Variants in PRRX1 observed in about 807,000 individuals in gnomAD.
The protein encoded by PRRX1 is paired mesoderm homeobox protein 1.
PRRX1 carries 8 observed loss-of-function variants against 24.0 expected under a neutral mutation model. The observed-to-expected ratio is 0.33, with a 90% CI of 0.20 to 0.60. The LOEUF is 0.60. PRRX1 is among the 20% of genes least tolerant of loss of function. The pLI is 0.82. For missense variants in PRRX1, 281 were observed against 322.4 expected (o/e 0.87, Z 0.98); for synonymous variants, 160 against 131.7 (o/e 1.22, Z -1.47).
At chr1:170,729,132 T>A (rs999732929) in intron 3 of PRRX1, 3 of 152,230 alleles carry the variant, frequency 2.0e-5, no homozygotes, top group Admixed American at 2.0e-4. Context: ...GTGTTCCCTG[T>A]TTTCATCCAA....
At chr1:170,691,013 A>AAT (rs1558050213) in intron 1 of PRRX1, among the ~76,000 whole-genome samples, 2 of 152,144 alleles carry the variant, frequency 1.3e-5, no homozygotes, top group Non-Finnish European at 1.5e-5. Context: ...TTGAGAGGAT[A>AAT]ATGTAATGAA....
chr1:170,719,696 G>C, intron 1 of PRRX1, 30 bp from the exon 2 acceptor site: 1 of 1,611,802 alleles, frequency 6.2e-7, no homozygotes, highest in Non-Finnish European at 8.5e-7. Context: ...AGTGAATTTG[G>C]CTTCTTTTCA....
intron 1 of PRRX1, among the ~76,000 whole-genome samples, chr1:170,707,132 G>A (rs550861192): frequency 3.3e-5 from 5 of 150,376 alleles, no homozygotes; most frequent in African/African-American, 1.2e-4. Context: ...CTTAAAAAAA[G>A]GAAAAAGAAA....
intron 1 of PRRX1, among the ~76,000 whole-genome samples, chr1:170,694,134 G>A (rs1436503200): frequency 6.6e-6 from 1 of 151,946 alleles, no homozygotes; most frequent in Admixed American, 6.6e-5. Flanking sequence ...CCAAATTTCA[G>A]CACCATAAGG....
intron 3 of PRRX1, among the ~76,000 whole-genome samples, chr1:170,729,359 CAGTG>C (rs1431242047): frequency 6.6e-6 from 1 of 152,136 alleles, no homozygotes; most frequent in African/African-American, 2.4e-5. Context: ...AAGCCAGAGA[CAGTG>C]AGCGACAGTT....
intron 1 of PRRX1, among the ~76,000 whole-genome samples, chr1:170,712,040 G>C (rs189693896): frequency 6.6e-6 from 1 of 152,136 alleles, no homozygotes; most frequent in African/African-American, 2.4e-5. Context: ...AAGCAAATAG[G>C]CTGGGAAATA....
At chr1:170,702,760 C>A (rs1047902118) in intron 1 of PRRX1, among the ~76,000 whole-genome samples, 4 of 152,066 alleles carry the variant, frequency 2.6e-5, no homozygotes, top group Admixed American at 6.6e-5. Flanking sequence ...TGTGGGTCTC[C>A]CATAAATGGC....
intron 2 of PRRX1, among the ~76,000 whole-genome samples, chr1:170,722,245 C>T (rs1340780909): frequency 2.0e-5 from 3 of 152,112 alleles, no homozygotes; most frequent in Non-Finnish European, 2.9e-5. Flanking sequence ...GCATTTATGG[C>T]ATTTATCATA....
intron 1 of PRRX1, chr1:170,669,464 A>T (rs985383310): frequency 6.8e-6 from 1 of 147,626 alleles, no homozygotes; most frequent in Admixed American, 7.1e-5. Context: ...ATTCAGAAGC[A>T]GTGATGCGTT....
In PRRX1 at chr1:170,727,455, T is replaced by A. The variant is rs149148883; in HGVS notation, c.599+1054T>A. On this transcript the variant is annotated intron_variant, in intron 3 of 3. Coordinates refer to ENST00000239461, the MANE Select transcript of PRRX1 (RefSeq NM_022716.4). ...TCATTTATTATGCTTTTGTTTACCT[T>A]TTTATTGTCAAGGTTAATTATTGGT... 24 of 152,334 alleles carry A rather than the reference T, an allele frequency of 1.6e-4. No homozygotes were observed. In the East Asian group the frequency reaches 4.4e-3, roughly 28 times the overall value. The allele number at this position is 152,334 out of a possible 1,614,324, so 9.4% of individuals were successfully genotyped here.
rs746685127 is a variant in PRRX1 at position 170,719,748 on chromosome 1, A to G, written c.264A>G (p.Glu88=). The change falls in exon 2 of 4, where the codon GAA becomes GAG. Residue 88 remains glutamate (E), a synonymous_variant. Coordinates refer to ENST00000239461, the MANE Select transcript of PRRX1 (RefSeq NM_022716.4). ...CAGATGACCAGCTGAACTCAGAAGA[A>G]AAAAAGAAGAGAAAGCAGCGAAGGA... ...QQDNDQLNSE[E]KKKRKQRRNR... is the part of the protein sequence containing the mutation. 2.7e-5 allele frequency: 44 copies of G among 1,614,068 alleles called. No homozygotes were observed. The East Asian group carries it at 9.8e-4, about 36-fold the overall frequency.
chr1:170,690,443 A>C lies in PRRX1; in HGVS notation c.241+25984A>C, dbSNP rs569364538. Among the ~76,000 whole-genome samples, 44 of 152,182 alleles carry C rather than the reference A, an allele frequency of 2.9e-4. No homozygotes were observed. In the South Asian group the frequency reaches 8.7e-3, roughly 30 times the overall value. ...CATCACTTAGAATAGACTTGGAGAGAGAAGTTATAATAATCAATTTTGCTC... is the reference window on the plus strand; with the variant it reads ...CATCACTTAGAATAGACTTGGAGAGCGAAGTTATAATAATCAATTTTGCTC... On this transcript the variant is annotated intron_variant, in intron 1 of 3. Coordinates refer to ENST00000239461, the MANE Select transcript of PRRX1 (RefSeq NM_022716.4).
intron 3 of PRRX1, among the ~76,000 whole-genome samples, chr1:170,732,959 C>T (rs1238366906): frequency 6.6e-6 from 1 of 152,084 alleles, no homozygotes; most frequent in East Asian, 1.9e-4. Flanking sequence ...GGGCACTGTT[C>T]TTTACTGTGG....
At chr1:170,682,096 C>T (rs1278156085) in intron 1 of PRRX1, among the ~76,000 whole-genome samples, 1 of 152,128 alleles carries the variant, frequency 6.6e-6, no homozygotes, top group Non-Finnish European at 1.5e-5. Context: ...TAAATGGAAG[C>T]AGCTAGTATG....
intron 1 of PRRX1, chr1:170,667,308 GCGCA>G (rs1249161739): frequency 4.0e-4 from 46 of 116,208 alleles, no homozygotes; most frequent in African/African-American, 1.5e-3. Context: ...GCGCGCGCGC[GCGCA>G]CACACACACA....
chr1:170,719,378 A>G (rs1655010123), intron 1 of PRRX1, among the ~76,000 whole-genome samples: 1 of 152,178 alleles, frequency 6.6e-6, no homozygotes, highest in South Asian at 2.1e-4. Flanking sequence ...AAAACCATTT[A>G]CTCTTCTTCC....
intron 1 of PRRX1, among the ~76,000 whole-genome samples, chr1:170,687,630 T>C (rs966422583): frequency 2.0e-5 from 3 of 152,186 alleles, no homozygotes; most frequent in Non-Finnish European, 2.9e-5. Flanking sequence ...AGTAAGATAA[T>C]GTATAGGATA....
intron 1 of PRRX1, among the ~76,000 whole-genome samples, chr1:170,687,902 G>T (rs1295963215): frequency 6.6e-6 from 1 of 152,072 alleles, no homozygotes; most frequent in Admixed American, 6.5e-5. Context: ...AGAGCAAGTG[G>T]CCAAATACTT....
chr1:170,680,603 A>G (rs1223733799), intron 1 of PRRX1, among the ~76,000 whole-genome samples: 1 of 152,200 alleles, frequency 6.6e-6, no homozygotes, highest in Admixed American at 6.5e-5. Context: ...CAGGGGAACT[A>G]TGTGGTTATG....
Sources: allele counts gnomAD v4.1 joint callset (sites outside exome capture counted in the v4.1 genomes callset), GRCh38; gene constraint gnomAD v4.1.1; transcripts MANE v1.5; gene names NCBI Gene and HGNC (gene_info 2026-07-23, HGNC 2026-07-21).